EIF4G3: variants seen among roughly 807,000 people sequenced by gnomAD.
EIF4G3 encodes the protein eIF-4-gamma 3.
EIF4G3 carries 34 observed loss-of-function variants against 186.4 expected under a neutral mutation model. The ratio of observed to expected loss-of-function variants is 0.18; its 90% CI spans 0.14 to 0.24. EIF4G3 has a LOEUF of 0.24. EIF4G3 is among the 10% of genes least tolerant of loss of function. The pLI is 1.00. For synonymous variants in EIF4G3, 673 were observed against 679.5 expected (o/e 0.99, Z 0.15); for missense variants, 1,536 against 1,948.5 (o/e 0.79, Z 3.99).
At chr1:21,153,367 T>C (rs906648326) in intron 2 of EIF4G3, among the ~76,000 whole-genome samples, 26 of 152,360 alleles carry the variant, frequency 1.7e-4, no homozygotes, top group African/African-American at 6.0e-4. Context: ...GTAACATTTA[T>C]TTTTAATAGC....
intron 5 of EIF4G3, among the ~76,000 whole-genome samples, chr1:21,001,594 C>T (rs1283836610): frequency 1.3e-5 from 2 of 152,132 alleles, no homozygotes; most frequent in East Asian, 1.9e-4. Flanking sequence ...TTGTATCAGA[C>T]ATCTTATTGA....
At chr1:21,068,679 T>A (rs771584755) in intron 3 of EIF4G3, among the ~76,000 whole-genome samples, 4 of 152,174 alleles carry the variant, frequency 2.6e-5, no homozygotes, top group Non-Finnish European at 5.9e-5. Flanking sequence ...CAATGGGGAA[T>A]GTAATTATAC....
At position 20,860,536 on chromosome 1, in the gene EIF4G3, A is replaced by T; in HGVS notation, c.3112-19T>A. On this transcript the variant is annotated intron_variant, in intron 23 of 36. Coordinates refer to ENST00000602326, the MANE Select transcript of EIF4G3 (RefSeq NM_001391906.1). ...AATTGCACTATAAAAGCAGAAAATA[A>T]GGTTATCTGCCAGATAAACTGAACA... 3.1e-6 allele frequency: 5 copies of T among 1,606,500 alleles called. No homozygotes were observed. Among genetic ancestry groups the T allele is most frequent in the Non-Finnish European group, 4.2e-6 (5 of 1,177,910 alleles).
intron 14 of EIF4G3, among the ~76,000 whole-genome samples, chr1:20,916,680 G>A (rs1181903650): frequency 6.6e-6 from 1 of 152,044 alleles, no homozygotes; most frequent in Non-Finnish European, 1.5e-5. Context: ...GAATGAAGTT[G>A]GAGGGCTTAA....
intron 4 of EIF4G3, among the ~76,000 whole-genome samples, chr1:21,033,964 C>T (rs2092967398): frequency 6.6e-6 from 1 of 152,154 alleles, no homozygotes; most frequent in African/African-American, 2.4e-5. Context: ...TGGTATGTGC[C>T]TGTAGTACTA....
At chr1:21,158,162 T>C (rs1411905695) in intron 2 of EIF4G3, among the ~76,000 whole-genome samples, 1 of 146,642 alleles carries the variant, frequency 6.8e-6, no homozygotes, top group Non-Finnish European at 1.5e-5. Flanking sequence ...CTTTAACAAA[T>C]ACATAGCTTT....
At position 20,941,556 on chromosome 1, in the gene EIF4G3, G is replaced by A. The variant is rs750568117; in HGVS notation, c.1598C>T (p.Ala533Val). Residue 533 changes from alanine to valine, a missense_variant, in exon 14 of 37, where the codon GCA (alanine) becomes GTA (valine). By Grantham distance (64) the Ala-to-Val change is moderately conservative. Transcript: ENST00000602326. ...KEIQNKIEVE[A>V]DGQTEEILDS... ...CAAAATCTCTTCTGTTTGCCCATCT[G>A]CTTCTACCTCTATTTTGTTCTGAAT... 9 of 1,613,726 alleles carry A rather than the reference G, an allele frequency of 5.6e-6. No homozygotes were observed. The Admixed American group carries it at 1.5e-4, about 27-fold the overall frequency.
intron 20 of EIF4G3, among the ~76,000 whole-genome samples, chr1:20,872,474 T>C (rs1400786235): frequency 2.0e-5 from 3 of 152,166 alleles, no homozygotes; most frequent in Non-Finnish European, 4.4e-5. Context: ...TAAAAGCCTA[T>C]AGTGGTTTTT....
intron 29 of EIF4G3, among the ~76,000 whole-genome samples, chr1:20,844,495 GT>G (rs951388517): frequency 1.5e-4 from 22 of 148,062 alleles, no homozygotes; most frequent in African/African-American, 3.2e-4. Flanking sequence ...TTTAGTGTGT[GT>G]TTTTTTTTTC....
At chr1:21,145,424 T>A (rs146500650) in intron 2 of EIF4G3, among the ~76,000 whole-genome samples, 1 of 151,900 alleles carries the variant, frequency 6.6e-6, no homozygotes, top group Admixed American at 6.6e-5. Flanking sequence ...AGTGTCCAGT[T>A]TATTTTATGC....
chr1:20,873,722 T>TTTA (rs2079907311), intron 20 of EIF4G3, among the ~76,000 whole-genome samples: 1 of 137,110 alleles, frequency 7.3e-6, no homozygotes. Context: ...TTTTTTTCCT[T>TTTA]AAAAAAAAAA....
intron 29 of EIF4G3, among the ~76,000 whole-genome samples, chr1:20,845,470 G>A (rs1309335821): frequency 6.6e-6 from 1 of 152,078 alleles, no homozygotes; most frequent in African/African-American, 2.4e-5. Context: ...AGACCATCCT[G>A]GCTAACACCG....
intron 29 of EIF4G3, among the ~76,000 whole-genome samples, chr1:20,845,199 T>C (rs1477778133): frequency 1.3e-5 from 2 of 152,196 alleles, no homozygotes; most frequent in Middle Eastern, 3.2e-3. Flanking sequence ...CCCAATACCA[T>C]TTATTAAAAA....
At chr1:21,089,091 TCACACACAAAAG>T (rs1442640219) in intron 3 of EIF4G3, 35 bp downstream of exon 3, 1 of 701,804 alleles carries the variant, frequency 1.4e-6, no homozygotes, top group East Asian at 2.7e-5. Context: ...TACCAAGGAT[TCACACACAAAAG>T]CACACACACA....
chr1:21,035,619 C>A (rs1244967908), intron 4 of EIF4G3, among the ~76,000 whole-genome samples: 2 of 152,222 alleles, frequency 1.3e-5, no homozygotes. Context: ...CCAGCTTGGC[C>A]CCTCCAAACT....
intron 25 of EIF4G3, 103 bp from the exon 26 acceptor site, chr1:20,855,174 C>A (rs1201039555): frequency 2.2e-5 from 19 of 871,098 alleles, no homozygotes; most frequent in Non-Finnish European, 2.9e-5. Context: ...ATTTTAGCAA[C>A]AAAAATTTGT....
chr1:20,895,020 A>G (rs1053755615), intron 17 of EIF4G3, among the ~76,000 whole-genome samples: 12 of 152,162 alleles, frequency 7.9e-5, no homozygotes, highest in Non-Finnish European at 4.4e-5. Flanking sequence ...GAATTCCATA[A>G]TGAACTTTTA....
rs184211569 is a variant in EIF4G3 at position 20,865,743 on chromosome 1, G to A, written c.2623-481C>T. 6.3e-3 allele frequency among the ~76,000 whole-genome samples: 960 copies of A among 152,168 alleles called. 6 individuals carry two copies. The highest frequency in any genetic ancestry group is 0.014 in the Middle Eastern group (4 of 294). On this transcript the variant is annotated intron_variant, in intron 20 of 36. Transcript: ENST00000602326. ...TTATGCAGAAGTTGGGATACTGGGG[G>A]ATTTTTGAGATATCTTTTCATTGGG...
intron 33 of EIF4G3, among the ~76,000 whole-genome samples, chr1:20,820,365 G>A (rs531709043): frequency 6.6e-6 from 1 of 152,332 alleles, no homozygotes; most frequent in African/African-American, 2.4e-5. Context: ...GCACCTGGGC[G>A]TCTCTGCAGT....
Sources: allele counts gnomAD v4.1 joint callset (sites outside exome capture counted in the v4.1 genomes callset), GRCh38; gene constraint gnomAD v4.1.1; transcripts MANE v1.5; gene names NCBI Gene and HGNC (gene_info 2026-07-23, HGNC 2026-07-21).